Variants in ASTN2 observed in about 807,000 individuals in gnomAD.
ASTN2 encodes the protein astrotactin 2, also known as astrotactin-2.
Under a neutral mutation model 139.8 loss-of-function variants are expected in ASTN2, and 54 were observed. The observed-to-expected ratio is 0.39, with a 90% CI of 0.31 to 0.48. The LOEUF is 0.48. Ranked by LOEUF, ASTN2 falls within the 20% of genes least tolerant of loss-of-function variation. The pLI is 0.95. For synonymous variants in ASTN2, 756 were observed against 719.5 expected (o/e 1.05, Z -0.81); for missense variants, 1,565 against 1,725.1 (o/e 0.91, Z 1.64).
intron 1 of ASTN2, among the ~76,000 whole-genome samples, chr9:117,365,335 AAGAG>A (rs796088723): frequency 0.011 from 1,664 of 151,070 alleles, 30 homozygotes; most frequent in African/African-American, 0.039. Flanking sequence ...GAAAGAAAGA[AAGAG>A]AGAAAAGAAA....
At position 116,698,863 on chromosome 9, in the gene ASTN2, C is replaced by T; in HGVS notation, c.2806+26908G>A. The T allele has an allele frequency of 6.2e-7, 1 of 1,614,224 alleles. No homozygotes were observed. The highest frequency in any genetic ancestry group is 8.5e-7 in the Non-Finnish European group (1 of 1,180,048). On this transcript the variant is annotated intron_variant, in intron 16 of 22. Coordinates refer to ENST00000313400, the MANE Select transcript of ASTN2 (RefSeq NM_001365068.1). This position sits in a 1 kb window ranked among gnomAD's most constrained non-coding sequence, Gnocchi z 4.4. ...AGCACTCCAGGAATGTTCAATCTTC[C>T]AGTCAGTCTCTACGTGACCAGTCAA...
intron 6 of ASTN2, among the ~76,000 whole-genome samples, chr9:117,036,218 A>G (rs780085352): frequency 6.6e-6 from 1 of 152,152 alleles, no homozygotes; most frequent in Non-Finnish European, 1.5e-5. Flanking sequence ...GAAAGGACAC[A>G]TTCCTACCAA....
intron 7 of ASTN2, among the ~76,000 whole-genome samples, chr9:116,992,395 T>A (rs1564374375): frequency 1.3e-5 from 2 of 152,194 alleles, no homozygotes; most frequent in East Asian, 1.9e-4. Context: ...CTTTAAAGGC[T>A]TCTCAGGAGA....
At chr9:117,222,046 C>T (rs1296541680) in intron 2 of ASTN2, among the ~76,000 whole-genome samples, 1 of 152,112 alleles carries the variant, frequency 6.6e-6, no homozygotes, top group Non-Finnish European at 1.5e-5. Context: ...TATGACTGTC[C>T]TATGCCCTAG....
chr9:117,027,960 C>A (rs1259042144), intron 6 of ASTN2, among the ~76,000 whole-genome samples: 2 of 152,154 alleles, frequency 1.3e-5, no homozygotes, highest in Non-Finnish European at 2.9e-5. Flanking sequence ...CTGAGAAGTA[C>A]AGTGACTCGT....
intron 1 of ASTN2, among the ~76,000 whole-genome samples, chr9:117,318,090 A>AAGT: frequency 6.6e-6 from 1 of 152,308 alleles, no homozygotes; most frequent in Non-Finnish European, 1.5e-5. Flanking sequence ...ACTGTAGGAC[A>AAGT]AGTTGCATCA....
At chr9:117,242,565 T>A (rs1028457124) in intron 2 of ASTN2, among the ~76,000 whole-genome samples, 2 of 152,236 alleles carry the variant, frequency 1.3e-5, no homozygotes, top group Non-Finnish European at 2.9e-5. Context: ...AAATGCCTTA[T>A]GGCACCCTGG....
At chr9:116,749,436 A>G (rs1258054625) in intron 13 of ASTN2, among the ~76,000 whole-genome samples, 11 of 152,170 alleles carry the variant, frequency 7.2e-5, no homozygotes, top group African/African-American at 1.2e-4. Context: ...TCTTTACGTC[A>G]TGGGAATCCT....
intron 7 of ASTN2, among the ~76,000 whole-genome samples, chr9:116,983,770 T>A (rs1310958038): frequency 1.3e-5 from 2 of 152,210 alleles, no homozygotes; most frequent in Non-Finnish European, 2.9e-5. Flanking sequence ...GTGGATAGGC[T>A]TTCCCTCTTG....
chr9:116,470,598 A>G (rs987030210), intron 20 of ASTN2, among the ~76,000 whole-genome samples: 9 of 152,228 alleles, frequency 5.9e-5, no homozygotes, highest in Admixed American at 3.9e-4. Flanking sequence ...TGCCTGGTAT[A>G]TTGAAAGCAC....
At chr9:116,567,720 G>A (rs988003396) in intron 19 of ASTN2, among the ~76,000 whole-genome samples, 1 of 152,154 alleles carries the variant, frequency 6.6e-6, no homozygotes, top group African/African-American at 2.4e-5. Flanking sequence ...CGAAGAAGAT[G>A]AAGGAAGGAC....
intron 1 of ASTN2, among the ~76,000 whole-genome samples, chr9:117,309,886 C>T (rs1043122349): frequency 1.2e-4 from 18 of 152,138 alleles, no homozygotes; most frequent in African/African-American, 4.3e-4. Context: ...AGGTCCCATG[C>T]TGAGTTTAAG....
chr9:116,784,728 G>A (rs1051265569), intron 13 of ASTN2, among the ~76,000 whole-genome samples: 1 of 151,974 alleles, frequency 6.6e-6, no homozygotes, highest in Non-Finnish European at 1.5e-5. Flanking sequence ...TTGGGAGTTC[G>A]AGACCAGCCT....
Position 116,706,915 on chromosome 9 carries a change from A to G in ASTN2, c.2806+18856T>C, listed in dbSNP as rs10817924. Among the ~76,000 whole-genome samples, 12 of 152,148 alleles carry G rather than the reference A, an allele frequency of 7.9e-5. 2 individuals are homozygous for G. The highest frequency in any genetic ancestry group is 2.6e-4 in the African/African-American group (11 of 41,510). Reference sequence around the variant, plus strand: ...TGATAATTGGCATTTAAGAACAAGAATAAAGTGGCATTTAAGAACAAGATT... The same window carrying G: ...TGATAATTGGCATTTAAGAACAAGAGTAAAGTGGCATTTAAGAACAAGATT... On this transcript the variant is annotated intron_variant, in intron 16 of 22. Transcript: ENST00000313400.
chr9:116,604,145 C>T (rs1363638260), intron 19 of ASTN2, among the ~76,000 whole-genome samples: 1 of 152,150 alleles, frequency 6.6e-6, no homozygotes, highest in Non-Finnish European at 1.5e-5. Context: ...TATGCCTGTC[C>T]TGTTACCATT....
intron 1 of ASTN2, among the ~76,000 whole-genome samples, chr9:117,293,090 G>GA (rs1190467915): frequency 1.4e-5 from 2 of 147,844 alleles, no homozygotes; most frequent in Non-Finnish European, 3.0e-5. Context: ...CAGCTGCTCT[G>GA]AAAAAAAAGA....
At chr9:117,322,671 G>T (rs899032480) in intron 1 of ASTN2, among the ~76,000 whole-genome samples, 1 of 152,136 alleles carries the variant, frequency 6.6e-6, no homozygotes, top group African/African-American at 2.4e-5. Context: ...GTCTTGGGGA[G>T]GTGCACCTTG....
At chr9:117,074,248 AGAGGAG>A (rs888445487) in intron 5 of ASTN2, among the ~76,000 whole-genome samples, 2 of 151,914 alleles carry the variant, frequency 1.3e-5, no homozygotes, top group Non-Finnish European at 1.5e-5. Flanking sequence ...CCCGTTCTCT[AGAGGAG>A]GAGGAGGAGG....
chr9:116,683,760 G>C (rs1207550003), intron 16 of ASTN2, among the ~76,000 whole-genome samples: 1 of 152,148 alleles, frequency 6.6e-6, no homozygotes, highest in African/African-American at 2.4e-5. Context: ...GATTTCTCCT[G>C]AATATGGAAA....
Sources: allele counts gnomAD v4.1 joint callset (sites outside exome capture counted in the v4.1 genomes callset), GRCh38; gene constraint gnomAD v4.1.1; non-coding constraint Gnocchi (gnomAD v3.1); transcripts MANE v1.5; gene names NCBI Gene and HGNC (gene_info 2026-07-23, HGNC 2026-07-21).